Variants in HHAT observed in about 807,000 individuals in gnomAD.
HHAT encodes protein-cysteine N-palmitoyltransferase HHAT.
Under a neutral mutation model 70.8 loss-of-function variants are expected in HHAT, and 47 were observed. That is an observed-to-expected ratio of 0.66 (90% confidence interval 0.53 to 0.85). The LOEUF (loss-of-function observed/expected upper bound fraction) is 0.85. Among genes scored for constraint, HHAT ranks in the 40% least tolerant of loss-of-function variants. HHAT has a pLI of 0.00. For synonymous variants in HHAT, 228 were observed against 247.6 expected (o/e 0.92, Z 0.74); for missense variants, 609 against 604.8 (o/e 1.01, Z -0.07).
intron 9 of HHAT, among the ~76,000 whole-genome samples, chr1:210,539,342 A>G (rs941604838): frequency 2.6e-5 from 4 of 152,190 alleles, no homozygotes; most frequent in African/African-American, 7.2e-5. Flanking sequence ...AAGCCAACTG[A>G]ACGACTTCTC....
chr1:210,468,663 G>A (rs1366319949), intron 8 of HHAT, among the ~76,000 whole-genome samples: 1 of 152,144 alleles, frequency 6.6e-6, no homozygotes, highest in African/African-American at 2.4e-5. Flanking sequence ...CATGTTAGAT[G>A]ATAAATCAGT....
intron 11 of HHAT, among the ~76,000 whole-genome samples, chr1:210,643,163 T>C (rs1673308038): frequency 6.6e-6 from 1 of 152,226 alleles, no homozygotes. Context: ...CATGGTCTGT[T>C]TGCCTCTTGC....
intron 5 of HHAT, among the ~76,000 whole-genome samples, chr1:210,403,878 C>T (rs771043195): frequency 6.7e-5 from 10 of 148,848 alleles, no homozygotes; most frequent in Non-Finnish European, 1.3e-4. Flanking sequence ...ATTGTAATTG[C>T]ATTTTTACAC....
intron 9 of HHAT, among the ~76,000 whole-genome samples, chr1:210,515,575 G>A (rs113716315): frequency 0.011 from 1,710 of 151,278 alleles, 36 homozygotes; most frequent in African/African-American, 0.039. Flanking sequence ...GGCTAACACG[G>A]TGAAACCCTG....
intron 6 of HHAT, among the ~76,000 whole-genome samples, chr1:210,412,012 G>A (rs2092574260): frequency 2.0e-5 from 3 of 152,178 alleles, no homozygotes; most frequent in Admixed American, 2.0e-4. Context: ...TCAAGACACT[G>A]CCAGATTTGA....
chr1:210,623,648 CT>C lies in HHAT; in HGVS notation c.1369del (p.Trp457GlyfsTer12). The C allele has an allele frequency of 6.2e-7, 1 of 1,614,036 alleles. No homozygotes were observed. Among genetic ancestry groups the C allele is most frequent in the South Asian group, 1.1e-5 (1 of 91,030 alleles). ...GGGGCAATGAGGTTGGGAAAACCTACTGGAATAGGATCTTCATACAAGGTAA... is the reference window on the plus strand; with the variant it reads ...GGGGCAATGAGGTTGGGAAAACCTACGGAATAGGATCTTCATACAAGGTAA... ...LGGNEVGKTY[W>X]NRIFIQGWPW... On this transcript the variant is annotated frameshift_variant, in exon 11 of 12. Transcript: ENST00000261458. LOFTEE classifies it high-confidence loss of function.
chr1:210,328,962 C>CG lies in HHAT; in HGVS notation c.-186_-185insG. Reference sequence around the variant, plus strand: ...GCTGCGCTGCTCCTCCAAAGGGCAGCTCCGGGGGAAAGAGGGTGGCGTCCC... The same window carrying CG: ...GCTGCGCTGCTCCTCCAAAGGGCAGCGTCCGGGGGAAAGAGGGTGGCGTCCC... On this transcript the variant is annotated 5_prime_UTR_variant, in exon 1 of 12. Coordinates refer to ENST00000261458, the MANE Select transcript of HHAT (RefSeq NM_018194.6). 7.8e-7 allele frequency: 1 copy of CG among 1,284,498 alleles called. No homozygotes were observed. The highest frequency in any genetic ancestry group is 1.0e-6 in the Non-Finnish European group (1 of 1,000,368). The allele number at this position is 1,284,498 out of a possible 1,614,324, so 79.6% of individuals were successfully genotyped here.
At chr1:210,328,308 T>A (rs1218334813), upstream of HHAT, 1 of 152,236 alleles carries the variant, frequency 6.6e-6, no homozygotes, top group Admixed American at 6.5e-5. Context: ...TTATACCCCG[T>A]TGGAGCATCT....
chr1:210,399,995 C>A (rs1325565441), intron 4 of HHAT, among the ~76,000 whole-genome samples: 1 of 152,138 alleles, frequency 6.6e-6, no homozygotes, highest in East Asian at 1.9e-4. Context: ...TTTGGAAAGT[C>A]TTTTGTGGTT....
At chr1:210,664,620 G>A (rs1385895183) in intron 11 of HHAT, among the ~76,000 whole-genome samples, 1 of 152,190 alleles carries the variant, frequency 6.6e-6, no homozygotes, top group African/African-American at 2.4e-5. Context: ...CCAAAGCAGA[G>A]ATATGTACAT....
intron 3 of HHAT, among the ~76,000 whole-genome samples, chr1:210,371,297 T>G (rs993502744): frequency 1.3e-5 from 2 of 152,220 alleles, no homozygotes; most frequent in African/African-American, 4.8e-5. Flanking sequence ...TACAGGCATG[T>G]GCCATCATAC....
At chr1:210,613,629 G>A (rs4517405) in intron 10 of HHAT, among the ~76,000 whole-genome samples, 130,323 of 152,130 alleles carry the variant, frequency 0.86, 56,527 homozygotes, top group East Asian at 0.99. Flanking sequence ...GAATTTTAGG[G>A]TGGGGTTTTC....
intron 11 of HHAT, among the ~76,000 whole-genome samples, chr1:210,653,034 A>G (rs11119561): frequency 0.32 from 49,092 of 152,066 alleles, 8,605 homozygotes; most frequent in South Asian, 0.41. Flanking sequence ...AGATTGGAAT[A>G]GACATAAATG....
At chr1:210,523,954 C>G (rs10779534) in intron 9 of HHAT, among the ~76,000 whole-genome samples, 48,510 of 152,078 alleles carry the variant, frequency 0.32, 8,249 homozygotes, top group Middle Eastern at 0.39. Flanking sequence ...TGATGACATG[C>G]GTGAGCATGG....
chr1:210,487,917 A>G (rs1350749562), intron 8 of HHAT, among the ~76,000 whole-genome samples: 1 of 152,102 alleles, frequency 6.6e-6, no homozygotes, highest in East Asian at 1.9e-4. Flanking sequence ...TCCTCTTCTC[A>G]CCTACCCATA....
At chr1:210,471,674 G>A (rs1009173279) in intron 8 of HHAT, among the ~76,000 whole-genome samples, 1 of 152,182 alleles carries the variant, frequency 6.6e-6, no homozygotes, top group African/African-American at 2.4e-5. Context: ...AGCAGCAGCA[G>A]CAGCGCGAAG....
chr1:210,407,759 G>A (rs1016279023), intron 6 of HHAT, among the ~76,000 whole-genome samples: 1 of 152,168 alleles, frequency 6.6e-6, no homozygotes, highest in Non-Finnish European at 1.5e-5. Flanking sequence ...GGGATCCTGG[G>A]GGACTTAGGG....
chr1:210,507,709 A>G (rs2094885010), intron 8 of HHAT, among the ~76,000 whole-genome samples: 1 of 152,140 alleles, frequency 6.6e-6, no homozygotes, highest in Admixed American at 6.5e-5. Context: ...TTGAAATTAA[A>G]GATGGCCCTA....
intron 8 of HHAT, among the ~76,000 whole-genome samples, chr1:210,468,588 C>G (rs1043491224): frequency 5.3e-5 from 8 of 152,232 alleles, no homozygotes; most frequent in African/African-American, 1.7e-4. Flanking sequence ...TTTAGTGAGG[C>G]ATTGATTGCA....
Sources: gnomAD v4.1 joint callset for allele counts (sites outside exome capture counted in the v4.1 genomes callset) on GRCh38, gnomAD v4.1.1 for gene constraint, MANE v1.5 for transcripts, NCBI Gene and HGNC (gene_info 2026-07-23, HGNC 2026-07-21) for gene names.